Variants in PCNX2 observed in about 807,000 individuals in gnomAD.
PCNX2 encodes the protein pecanex 2.
In PCNX2, 168 loss-of-function variants were observed where a neutral mutation model predicts 223.8. The ratio of observed to expected loss-of-function variants is 0.75; its 90% confidence interval spans 0.66 to 0.85. The LOEUF (loss-of-function observed/expected upper bound fraction) is 0.85, where lower values mean the gene tolerates loss of function less well. Ranked by LOEUF, PCNX2 falls within the 40% of genes least tolerant of loss-of-function variation. The pLI, the probability that PCNX2 is intolerant of heterozygous loss-of-function variation, is 0.00. For synonymous variants in PCNX2, 1,006 were observed against 1,052.6 expected (o/e 0.96, Z 0.86); for missense variants, 2,507 against 2,675.5 (o/e 0.94, Z 1.39).
At chr1:233,325,720 A>C in the PCNX2 span, among the ~76,000 whole-genome samples, 3 of 152,240 alleles carry the variant, frequency 2.0e-5, no homozygotes, top group South Asian at 6.2e-4. Context: ...AGAGGCAAAA[A>C]AAGTAGTTTC....
chr1:233,252,750 T>C lies in PCNX2; in HGVS notation c.1873A>G (p.Asn625Asp). Residue 625 changes from asparagine to aspartate, a missense_variant, in exon 6 of 34, where the codon AAT becomes GAT. Asn to Asp is a conservative substitution (Grantham distance 23). Around this residue, in one of 3 missense-constraint regions of PCNX2, gnomAD observed 1,031 missense variants for 1,021.7 expected, o/e 1.01. Coordinates refer to ENST00000258229, the MANE Select transcript of PCNX2 (RefSeq NM_014801.4). ...GAACTGTGTCCACTGGGCTTTTCAT[T>C]TTCCAGGATTTCCTCCTTTTTTTCC... Reference protein sequence around the residue: ...SQEKKEEILENEKPSGHSSKQ... With the variant: ...SQEKKEEILEDEKPSGHSSKQ... The C allele has an allele frequency of 6.2e-7, 1 of 1,612,732 alleles. No individual in the cohort carries two copies. The highest frequency in any genetic ancestry group is 8.5e-7 in the Non-Finnish European group (1 of 1,179,646).
At chr1:233,198,315 A>T (rs1247862958) in intron 15 of PCNX2, among the ~76,000 whole-genome samples, 1 of 152,220 alleles carries the variant, frequency 6.6e-6, no homozygotes, top group Non-Finnish European at 1.5e-5. Flanking sequence ...TAGCGATATA[A>T]CATGATGATT....
At chr1:233,133,405 G>A (rs1676619516) in intron 21 of PCNX2, among the ~76,000 whole-genome samples, 2 of 152,172 alleles carry the variant, frequency 1.3e-5, no homozygotes, top group African/African-American at 4.8e-5. Flanking sequence ...GAACAGAACA[G>A]AACTCAGCAA....
At chr1:233,234,470 A>C (rs983316532) in intron 9 of PCNX2, among the ~76,000 whole-genome samples, 1 of 152,196 alleles carries the variant, frequency 6.6e-6, no homozygotes, top group African/African-American at 2.4e-5. Context: ...GTGTCTAACA[A>C]TAAAACGCTA....
At position 233,139,986 on chromosome 1, in the gene PCNX2, A is replaced by G; in HGVS notation, c.3518-131T>C. On this transcript the variant is annotated intron_variant, in intron 19 of 33. Coordinates refer to ENST00000258229, the MANE Select transcript of PCNX2 (RefSeq NM_014801.4). This position sits in a 1 kb window ranked among gnomAD's most constrained non-coding sequence, Gnocchi z 4.4. ...TAATTAAGAACTCGTGATACTAGAC[A>G]TGATATACCATTTTTTTCCAGGCAG... 1 of 1,123,256 alleles carries G rather than the reference A, an allele frequency of 8.9e-7. No homozygotes were observed. Among genetic ancestry groups the G allele is most frequent in the African/African-American group, 1.6e-5 (1 of 63,294 alleles). The allele number at this position is 1,123,256 out of a possible 1,614,324, so 69.6% of individuals were successfully genotyped here.
At chr1:233,165,952 G>A (rs1349194241) in intron 17 of PCNX2, among the ~76,000 whole-genome samples, 6 of 152,064 alleles carry the variant, frequency 3.9e-5, no homozygotes, top group Admixed American at 3.9e-4. Context: ...TACAATACCT[G>A]GTTTCAAGGT....
intron 8 of PCNX2, among the ~76,000 whole-genome samples, chr1:233,247,214 T>A (rs747914564): frequency 6.6e-5 from 10 of 152,202 alleles, no homozygotes; most frequent in Non-Finnish European, 1.5e-4. Context: ...ACAGCTTCAA[T>A]GCTGTAATTT....
the PCNX2 span, among the ~76,000 whole-genome samples, chr1:233,301,775 C>T: frequency 3.6e-3 from 545 of 149,392 alleles, 3 homozygotes; most frequent in African/African-American, 0.012. Flanking sequence ...AAGATAAAGT[C>T]ACAGGACCAA....
intron 23 of PCNX2, among the ~76,000 whole-genome samples, chr1:233,080,673 A>G (rs1321328409): frequency 6.6e-6 from 1 of 151,994 alleles, no homozygotes; most frequent in Non-Finnish European, 1.5e-5. Flanking sequence ...TTATGAGGGC[A>G]CTAATTCCAT....
intron 21 of PCNX2, among the ~76,000 whole-genome samples, chr1:233,128,665 C>T (rs1451663704): frequency 6.6e-6 from 1 of 152,138 alleles, no homozygotes; most frequent in Non-Finnish European, 1.5e-5. Context: ...TTTTCAGGGC[C>T]AGTGCGAGGT....
chr1:233,114,566 G>C (rs1675298487), intron 21 of PCNX2, among the ~76,000 whole-genome samples: 2 of 152,138 alleles, frequency 1.3e-5, no homozygotes, highest in Admixed American at 1.3e-4. Flanking sequence ...TTTGGTTTCT[G>C]CTGTGGCATG....
At chr1:233,036,329 T>G (rs377693115) in intron 25 of PCNX2, among the ~76,000 whole-genome samples, 9 of 152,138 alleles carry the variant, frequency 5.9e-5, no homozygotes, top group African/African-American at 1.9e-4. Context: ...AAGAAAGAAT[T>G]GTAAGAATTT....
intron 19 of PCNX2, among the ~76,000 whole-genome samples, chr1:233,158,899 C>T (rs188156835): frequency 3.9e-5 from 6 of 152,276 alleles, no homozygotes; most frequent in Admixed American, 3.3e-4. Context: ...CTCTATGTAT[C>T]CAGAAGCAGT....
the PCNX2 span, among the ~76,000 whole-genome samples, chr1:233,322,663 A>T: frequency 6.6e-6 from 1 of 152,066 alleles, no homozygotes; most frequent in African/African-American, 2.4e-5. Context: ...ACGTGATGAG[A>T]TTTGTTTTGG....
At chr1:233,204,540 T>A (rs1227019285) in intron 13 of PCNX2, among the ~76,000 whole-genome samples, 3 of 152,208 alleles carry the variant, frequency 2.0e-5, no homozygotes, top group Non-Finnish European at 2.9e-5. Context: ...ACTACTTACA[T>A]CCCTTGCTAG....
chr1:233,174,991 C>T (rs534491513), intron 17 of PCNX2, among the ~76,000 whole-genome samples: 110 of 152,072 alleles, frequency 7.2e-4, no homozygotes, highest in Non-Finnish European at 1.5e-3. Context: ...AATGAAGATC[C>T]TCAGACCCCC....
chr1:233,128,632 G>A (rs1400449723), intron 21 of PCNX2, among the ~76,000 whole-genome samples: 1 of 152,186 alleles, frequency 6.6e-6, no homozygotes, highest in Non-Finnish European at 1.5e-5. Context: ...ACTGTGCCCG[G>A]CCAACTATGG....
chr1:233,297,048 A>G (rs1298339371), upstream of PCNX2, among the ~76,000 whole-genome samples: 1 of 152,240 alleles, frequency 6.6e-6, no homozygotes, highest in Admixed American at 6.5e-5. Context: ...TAATTTTCTT[A>G]AAGACACAGC....
rs1672254461 is a variant in PCNX2 at position 233,057,999 on chromosome 1, A to G, written c.4077-709T>C. On this transcript the variant is annotated intron_variant, in intron 23 of 33. Transcript: ENST00000258229. ...GTCAACGTCTCCACCACCTGCTTTC[A>G]AGAGTGGGGTATACTCTTATAGACC... 3 of 985,478 alleles carry G rather than the reference A, an allele frequency of 3.0e-6. No homozygotes were observed. The South Asian group carries it at 1.4e-4, about 46-fold the overall frequency. The allele number at this position is 985,478 out of a possible 1,614,324, so 61.0% of individuals were successfully genotyped here.
Sources: gnomAD v4.1 joint callset for allele counts (sites outside exome capture counted in the v4.1 genomes callset) on GRCh38, gnomAD v4.1.1 for gene constraint, gnomAD v4.1.1 regional missense constraint, Gnocchi (gnomAD v3.1) non-coding constraint, MANE v1.5 for transcripts, NCBI Gene and HGNC (gene_info 2026-07-23, HGNC 2026-07-21) for gene names.